Variants in TSPEAR observed in about 807,000 individuals in gnomAD.
The protein encoded by TSPEAR is thrombospondin-type laminin G domain and EAR repeat-containing protein.
In TSPEAR, 69 loss-of-function variants were observed where a neutral mutation model predicts 71.6. The observed-to-expected ratio is 0.96, with a 90% confidence interval of 0.79 to 1.18. TSPEAR has a LOEUF of 1.18. Ranked by LOEUF, TSPEAR falls within the 50% of genes most tolerant of loss-of-function variation. The pLI, the probability that TSPEAR is intolerant of heterozygous loss-of-function variation, is 0.00. For missense variants in TSPEAR, 971 were observed against 894.9 expected (o/e 1.09, Z -1.09); for synonymous variants, 402 against 387.2 (o/e 1.04, Z -0.45).
At chr21:44,686,162 CACTG>C (rs1206686981) in intron 1 of TSPEAR, among the ~76,000 whole-genome samples, 1 of 152,162 alleles carries the variant, frequency 6.6e-6, no homozygotes, top group Non-Finnish European at 1.5e-5. Context: ...CCCCTGGCCT[CACTG>C]ACAGCCCTTC....
intron 1 of TSPEAR, among the ~76,000 whole-genome samples, chr21:44,600,242 G>A (rs1172099231): frequency 2.0e-5 from 3 of 152,094 alleles, no homozygotes; most frequent in African/African-American, 7.2e-5. Flanking sequence ...CAGGCGCTGG[G>A]ATTAGGATGG....
chr21:44,620,033 A>G (rs1982344583), intron 1 of TSPEAR, among the ~76,000 whole-genome samples: 1 of 152,112 alleles, frequency 6.6e-6, no homozygotes, highest in Non-Finnish European at 1.5e-5. Flanking sequence ...ACATAAAAAC[A>G]CAGTATAATC....
chr21:44,576,490 C>G (rs1278094665), intron 1 of TSPEAR, among the ~76,000 whole-genome samples: 1 of 151,738 alleles, frequency 6.6e-6, no homozygotes, highest in East Asian at 1.9e-4. Flanking sequence ...GGTGAACAGA[C>G]ACATGGATGT....
rs201362069 is a variant in TSPEAR at position 44,592,378 on chromosome 21, T to G, written c.83-24373A>C. The G allele has an allele frequency of 1.7e-3, 2,648 of 1,521,062 alleles. 99 individuals are homozygous for G. The African/African-American group carries it at 0.018, about 10-fold the overall frequency. The allele number at this position is 1,521,062 out of a possible 1,614,324, so 94.2% of individuals were successfully genotyped here. A position where few individuals can be genotyped will look rare whatever the true frequency, so the allele number is the denominator to read the frequency against. ...GGGCTCACAGCAGCTCTCTGGGCAG[T>G]CGTCCACCTGCCAGGAGTCGGAGCA... On this transcript the variant is annotated intron_variant, in intron 1 of 11. Transcript: ENST00000323084.
At chr21:44,579,833 G>A (rs201685413) in intron 1 of TSPEAR, 121 of 1,610,320 alleles carry the variant, frequency 7.5e-5, no homozygotes, top group Middle Eastern at 1.7e-4. Context: ...GCAGCAGCTG[G>A]CCTGGTAGGA....
At chr21:44,674,731 AGTGTGTGTGT>A (rs59452363) in intron 1 of TSPEAR, among the ~76,000 whole-genome samples, 12,721 of 127,016 alleles carry the variant, frequency 0.1, 718 homozygotes, top group Non-Finnish European at 0.12. Flanking sequence ...CTGTCTTTAA[AGTGTGTGTGT>A]GTGTGTGTGT....
At chr21:44,503,530 G>C (rs1211151088) in intron 11 of TSPEAR, among the ~76,000 whole-genome samples, 4 of 132,230 alleles carry the variant, frequency 3.0e-5, no homozygotes, top group Admixed American at 7.3e-5. Context: ...TTGGGGGGAA[G>C]CCGGCCTTGG....
chr21:44,697,816 C>T (rs1174714989), intron 1 of TSPEAR: 44 of 1,613,256 alleles, frequency 2.7e-5, no homozygotes, highest in Admixed American at 6.7e-5. Context: ...TGTGCAGACC[C>T]GCCCGCCGCG....
At chr21:44,539,133 GCA>G (rs1555916743) in intron 2 of TSPEAR, 85 of 1,213,060 alleles carry the variant, frequency 7.0e-5, no homozygotes, top group East Asian at 4.6e-4. Context: ...CTGGGGAGCT[GCA>G]AGGATGGAGG....
At chr21:44,662,489 CA>C (rs1194647580) in intron 1 of TSPEAR, among the ~76,000 whole-genome samples, 7 of 152,018 alleles carry the variant, frequency 4.6e-5, no homozygotes, top group African/African-American at 9.6e-5. Flanking sequence ...ACACATGCAA[CA>C]AAAAAACTGA....
chr21:44,627,294 C>T, intron 1 of TSPEAR: 1 of 1,612,642 alleles, frequency 6.2e-7, no homozygotes, highest in African/African-American at 1.3e-5. Flanking sequence ...CCCCGGCCCC[C>T]TGCCTGACCC....
At chr21:44,628,214 T>TC (rs57785959) in intron 1 of TSPEAR, 25 of 740,622 alleles carry the variant, frequency 3.4e-5, no homozygotes, top group East Asian at 2.7e-4. Context: ...CTCCCTGACC[T>TC]CCCCCCCGGG....
intron 9 of TSPEAR, among the ~76,000 whole-genome samples, chr21:44,513,340 C>T (rs2052454212): frequency 6.6e-6 from 1 of 152,152 alleles, no homozygotes; most frequent in African/African-American, 2.4e-5. Flanking sequence ...TGTGCCAACC[C>T]AGGCAGAGGG....
chr21:44,524,414 G>A (rs1185411099), intron 8 of TSPEAR, among the ~76,000 whole-genome samples: 1 of 151,928 alleles, frequency 6.6e-6, no homozygotes, highest in Non-Finnish European at 1.5e-5. Context: ...TAATTAGGTA[G>A]TCAGTCAGGC....
At chr21:44,640,659 T>C (rs1301354092) in intron 1 of TSPEAR, among the ~76,000 whole-genome samples, 2 of 152,204 alleles carry the variant, frequency 1.3e-5, no homozygotes, top group African/African-American at 4.8e-5. Context: ...AGAGCAGTGA[T>C]AGAAAATGGA....
intron 1 of TSPEAR, among the ~76,000 whole-genome samples, chr21:44,700,480 C>A (rs188147868): frequency 2.6e-5 from 4 of 152,294 alleles, no homozygotes; most frequent in African/African-American, 9.6e-5. Context: ...CTTCCCAGAA[C>A]CCCCCTTGCC....
At chr21:44,691,161 A>G in intron 1 of TSPEAR, among the ~76,000 whole-genome samples, 1 of 151,572 alleles carries the variant, frequency 6.6e-6, no homozygotes. Context: ...AACATCTGAA[A>G]TGTCTCCTAA....
At chr21:44,553,631 A>T (rs924011774) in intron 2 of TSPEAR, among the ~76,000 whole-genome samples, 1 of 152,230 alleles carries the variant, frequency 6.6e-6, no homozygotes, top group African/African-American at 2.4e-5. Context: ...GTAATAAAGA[A>T]ATAATTGAGG....
intron 2 of TSPEAR, among the ~76,000 whole-genome samples, chr21:44,542,988 G>A (rs1386892436): frequency 6.6e-6 from 1 of 152,090 alleles, no homozygotes; most frequent in African/African-American, 2.4e-5. Flanking sequence ...ACAATGGAAT[G>A]ATATATTTAC....
Sources: allele counts gnomAD v4.1 joint callset (sites outside exome capture counted in the v4.1 genomes callset), GRCh38; gene constraint gnomAD v4.1.1; transcripts MANE v1.5; gene names NCBI Gene and HGNC (gene_info 2026-07-23, HGNC 2026-07-21).